The following AKT3 variants were observed in gnomAD, a reference collection of about 807,000 sequenced individuals.
The protein encoded by AKT3 is RAC-gamma serine/threonine-protein kinase.
In AKT3, 15 loss-of-function variants were observed where a neutral mutation model predicts 65.3. The ratio of observed to expected loss-of-function variants is 0.23; its 90% CI spans 0.15 to 0.35. The LOEUF is 0.35. AKT3 is among the 10% of genes least tolerant of loss of function. The pLI, the probability that AKT3 is intolerant of heterozygous loss-of-function variation, is 1.00. For missense variants in AKT3, 243 were observed against 576.5 expected (o/e 0.42, Z 5.92); for synonymous variants, 206 against 183.8 (o/e 1.12, Z -0.98).
intron 3 of AKT3, among the ~76,000 whole-genome samples, chr1:243,691,442 T>C (rs372890393): frequency 1.6e-4 from 24 of 152,230 alleles, no homozygotes; most frequent in East Asian, 7.7e-4. Flanking sequence ...GATACCCGCG[T>C]GAAGAAAGAG....
intron 2 of AKT3, among the ~76,000 whole-genome samples, chr1:243,762,206 A>C (rs1430562470): frequency 6.6e-6 from 1 of 151,988 alleles, no homozygotes; most frequent in Non-Finnish European, 1.5e-5. Flanking sequence ...GGGGAAAAAT[A>C]ATCATTTATT....
rs184639196 is a variant in AKT3 at position 243,789,989 on chromosome 1, T to C, written c.46+53136A>G. Among the ~76,000 whole-genome samples, 28 of 152,314 alleles carry C rather than the reference T, an allele frequency of 1.8e-4. No homozygotes were observed. In the East Asian group the frequency reaches 4.6e-3, roughly 25 times the overall value. On this transcript the variant is annotated intron_variant, in intron 2 of 13. Coordinates refer to ENST00000673466, the MANE Select transcript of AKT3 (RefSeq NM_005465.7). ...AATAGTAAACCATGCTATGAACAGA[T>C]GTGCTGGCTTCCAGGCTCTCTTTTT...
intron 2 of AKT3, among the ~76,000 whole-genome samples, chr1:243,835,319 T>G (rs1416920865): frequency 6.6e-6 from 1 of 152,166 alleles, no homozygotes; most frequent in Non-Finnish European, 1.5e-5. Flanking sequence ...ACACTGAGGA[T>G]GTATTTTGAG....
intron 2 of AKT3, among the ~76,000 whole-genome samples, chr1:243,821,182 G>C (rs887994469): frequency 2.6e-5 from 4 of 152,038 alleles, no homozygotes; most frequent in African/African-American, 9.7e-5. Context: ...GCCAAACTAA[G>C]CTTCATAGGC....
At chr1:243,530,177 T>C (rs1356754045) in intron 12 of AKT3, among the ~76,000 whole-genome samples, 1 of 152,170 alleles carries the variant, frequency 6.6e-6, no homozygotes, top group Admixed American at 6.5e-5. Flanking sequence ...TGTTAATTTG[T>C]CAATTTTTGT....
intron 2 of AKT3, among the ~76,000 whole-genome samples, chr1:243,703,781 AAAAG>A (rs1179130501): frequency 1.3e-5 from 2 of 151,306 alleles, no homozygotes; most frequent in Non-Finnish European, 2.9e-5. Flanking sequence ...AAAAAAAAGA[AAAAG>A]AAAAATATCC....
At position 243,499,929 on chromosome 1, in the gene AKT3, G is replaced by A. The variant is rs913554173; in HGVS notation, c.*5320C>T. On this transcript the variant is annotated 3_prime_UTR_variant, in exon 14 of 14. Coordinates refer to ENST00000673466, the MANE Select transcript of AKT3 (RefSeq NM_005465.7). The stretch of plus-strand genomic sequence containing the variant: ...AGTGGGGCTGGTCCTCATCAACGCG[G>A]GCGCTGTCCCCGCACGCAGTCGGGC... 2 of 759,744 alleles carry A rather than the reference G, an allele frequency of 2.6e-6. No homozygotes were observed. The highest frequency in any genetic ancestry group is 4.6e-6 in the Non-Finnish European group (2 of 436,012). 47.1% of individuals were successfully genotyped at this position (759,744 alleles called of 1,614,324 possible). A position where few individuals can be genotyped will look rare whatever the true frequency, so the allele number is the denominator to read the frequency against.
intron 8 of AKT3, among the ~76,000 whole-genome samples, chr1:243,585,380 A>G (rs953673895): frequency 6.7e-6 from 1 of 149,936 alleles, no homozygotes; most frequent in Non-Finnish European, 1.5e-5. Flanking sequence ...ACAGAACTGG[A>G]AAAAAAAAAC....
At chr1:243,645,264 A>C (rs1680720165) in intron 5 of AKT3, among the ~76,000 whole-genome samples, 1 of 152,206 alleles carries the variant, frequency 6.6e-6, no homozygotes, top group Non-Finnish European at 1.5e-5. Context: ...CTCTATCTTT[A>C]ATCATGAAAA....
At chr1:243,674,163 A>T (rs778803280) in intron 3 of AKT3, among the ~76,000 whole-genome samples, 11 of 152,350 alleles carry the variant, frequency 7.2e-5, no homozygotes, top group Non-Finnish European at 1.5e-4. Context: ...CCTAAAAGAT[A>T]ATCTACCCCT....
intron 2 of AKT3, among the ~76,000 whole-genome samples, chr1:243,839,790 TA>T (rs1382481048): frequency 6.6e-6 from 1 of 151,018 alleles, no homozygotes; most frequent in Non-Finnish European, 1.5e-5. Context: ...ATATTCAAAG[TA>T]ATAACTATAT....
At chr1:243,833,716 AC>A (rs1035480984) in intron 2 of AKT3, among the ~76,000 whole-genome samples, 8 of 151,796 alleles carry the variant, frequency 5.3e-5, no homozygotes, top group Non-Finnish European at 1.0e-4. Context: ...TGATAAAAAA[AC>A]CACAATTATC....
At chr1:243,803,669 C>CACACACACACACACATG (rs1692523651) in intron 2 of AKT3, among the ~76,000 whole-genome samples, 1 of 151,048 alleles carries the variant, frequency 6.6e-6, no homozygotes, top group African/African-American at 2.4e-5. Flanking sequence ...CACACACACA[C>CACACACACACACACATG]ACACACACAC....
At chr1:243,498,980 T>C (rs1368692658), downstream of AKT3, among the ~76,000 whole-genome samples, 1 of 152,252 alleles carries the variant, frequency 6.6e-6, no homozygotes, top group Non-Finnish European at 1.5e-5. Flanking sequence ...CCCAGTCACC[T>C]TCCCACACAG....
chr1:243,553,939 G>C (rs1046138564), intron 10 of AKT3, among the ~76,000 whole-genome samples: 1 of 151,926 alleles, frequency 6.6e-6, no homozygotes, highest in African/African-American at 2.4e-5. Context: ...AACCAGATGG[G>C]GAAAACCAAA....
At chr1:243,741,394 G>A (rs1375066654) in intron 2 of AKT3, among the ~76,000 whole-genome samples, 3 of 151,988 alleles carry the variant, frequency 2.0e-5, no homozygotes, top group Non-Finnish European at 4.4e-5. Context: ...TCATGCCAAT[G>A]TTTTTAAAAA....
intron 2 of AKT3, among the ~76,000 whole-genome samples, chr1:243,790,955 T>C (rs556522293): frequency 4.6e-5 from 7 of 152,266 alleles, no homozygotes; most frequent in South Asian, 2.1e-4. Flanking sequence ...TCACTGATCA[T>C]AGGTCACCAT....
chr1:243,697,801 G>C (rs1161032994), intron 2 of AKT3, among the ~76,000 whole-genome samples: 1 of 151,990 alleles, frequency 6.6e-6, no homozygotes, highest in Non-Finnish European at 1.5e-5. Context: ...ATTTCCATCA[G>C]TGACAGCATA....
At chr1:243,837,217 G>A (rs550995099) in intron 2 of AKT3, among the ~76,000 whole-genome samples, 20 of 152,096 alleles carry the variant, frequency 1.3e-4, no homozygotes, top group Non-Finnish European at 2.5e-4. Flanking sequence ...TAACTTAGAC[G>A]AACATCTTGG....
Sources: gnomAD v4.1 joint callset for allele counts (sites outside exome capture counted in the v4.1 genomes callset) on GRCh38, gnomAD v4.1.1 for gene constraint, MANE v1.5 for transcripts, NCBI Gene and HGNC (gene_info 2026-07-23, HGNC 2026-07-21) for gene names.